Variants in GLRA2 observed in about 807,000 individuals in gnomAD.
GLRA2 encodes glycine receptor alpha 2.
In GLRA2, 11 loss-of-function variants were observed where a neutral mutation model predicts 31.6. The observed-to-expected ratio is 0.35, with a 90% CI of 0.22 to 0.58. GLRA2 has a LOEUF of 0.58. Ranked by LOEUF, GLRA2 falls within the 20% of genes least tolerant of loss-of-function variation. The probability of loss-of-function intolerance (pLI) is 0.84; values close to 1 mark genes in which losing one functional copy is unlikely to be tolerated. For synonymous variants in GLRA2, 132 were observed against 134.0 expected (o/e 0.99, Z 0.10); for missense variants, 212 against 351.8 (o/e 0.60, Z 3.18).
At chrX:14,625,213 T>C (rs911613742) in intron 7 of GLRA2, among the ~76,000 whole-genome samples, 3 of 111,395 alleles carry the variant, frequency 2.7e-5, no homozygotes, top group East Asian at 2.8e-4. Flanking sequence ...GATCTTCCTC[T>C]ATCCCTTTAT....
chrX:14,563,450 T>C (rs971070569), intron 2 of GLRA2, among the ~76,000 whole-genome samples: 2 of 112,469 alleles, frequency 1.8e-5, no homozygotes, highest in Non-Finnish European at 3.8e-5. Flanking sequence ...GCAAATGGCC[T>C]ACTATACCCT....
chrX:14,706,334 T>C (rs747667759), intron 8 of GLRA2, among the ~76,000 whole-genome samples: 30 of 112,075 alleles, frequency 2.7e-4, no homozygotes, highest in African/African-American at 9.4e-4. Flanking sequence ...CTAGAATATA[T>C]CGCAGAGAGT....
At chrX:14,558,408 T>C (rs1277350631) in intron 2 of GLRA2, among the ~76,000 whole-genome samples, 1 of 112,040 alleles carries the variant, frequency 8.9e-6, no homozygotes, top group African/African-American at 3.2e-5. Context: ...GTGGTAATAA[T>C]CAGAGTTAGT....
At chrX:14,636,652 A>AG (rs1267811802) in intron 7 of GLRA2, among the ~76,000 whole-genome samples, 1 of 111,687 alleles carries the variant, frequency 9.0e-6, no homozygotes, top group Non-Finnish European at 1.9e-5. Context: ...AACAACAGTA[A>AG]GAAAAAAAGT....
At chrX:14,627,802 C>G (rs1378850639) in intron 7 of GLRA2, among the ~76,000 whole-genome samples, 2 of 111,343 alleles carry the variant, frequency 1.8e-5, no homozygotes, top group African/African-American at 6.5e-5. Context: ...TGTTTCTTGC[C>G]CTATGTAACC....
chrX:14,632,610 A>G (rs1291548539), intron 7 of GLRA2, among the ~76,000 whole-genome samples: 2 of 111,510 alleles, frequency 1.8e-5, no homozygotes, highest in Non-Finnish European at 3.8e-5. Context: ...TCAAGGTAAT[A>G]TCGTTCAACA....
chrX:14,548,990 CT>C (rs1414589907), intron 2 of GLRA2, among the ~76,000 whole-genome samples: 1 of 111,862 alleles, frequency 8.9e-6, no homozygotes, highest in Non-Finnish European at 1.9e-5. Context: ...AACCAAAAAT[CT>C]TTACAAAAGA....
intron 7 of GLRA2, among the ~76,000 whole-genome samples, chrX:14,662,876 ATATTT>A (rs1361027503): frequency 9.0e-5 from 10 of 110,969 alleles, no homozygotes; most frequent in Admixed American, 2.8e-4. Flanking sequence ...TTATTCATAA[ATATTT>A]TATTATTTTT....
intron 2 of GLRA2, among the ~76,000 whole-genome samples, chrX:14,568,707 A>G (rs1307953877): frequency 1.1e-4 from 7 of 63,196 alleles, no homozygotes; most frequent in African/African-American, 3.3e-4. Context: ...AAAAAAAAAA[A>G]AAGAAAAGAA....
chrX:14,464,071 A>G, the GLRA2 span, among the ~76,000 whole-genome samples: 1 of 112,130 alleles, frequency 8.9e-6, no homozygotes, highest in Non-Finnish European at 1.9e-5. Context: ...AGTTCTTTGT[A>G]TATTATAGAT....
intron 7 of GLRA2, among the ~76,000 whole-genome samples, chrX:14,652,324 T>A (rs751075226): frequency 5.4e-5 from 6 of 111,601 alleles, no homozygotes; most frequent in African/African-American, 1.6e-4. Context: ...CAGAAAATCA[T>A]CCTGGTGTCC....
At position 14,730,394 on chromosome X, in the gene GLRA2, G is replaced by A. The variant is rs1023383061; in HGVS notation, c.1268G>A (p.Arg423Gln). The change falls in exon 9 of 9, where the codon CGA becomes CAA. Residue 423 changes from arginine to glutamine, a missense_variant. Transcript: ENST00000218075. ...GCAAAAAGGATTGACACGATATCTC[G>A]AGCTGCCTTCCCATTGGCCTTCCTC... ...DRAKRIDTISRAAFPLAFLIF... is the reference protein window; with the variant it reads ...DRAKRIDTISQAAFPLAFLIF... The A allele has an allele frequency of 4.1e-6, 5 of 1,204,900 alleles. No homozygotes were observed. The highest frequency in any genetic ancestry group is 4.5e-6 in the Non-Finnish European group (4 of 889,811).
At chrX:14,690,989 C>A in intron 8 of GLRA2, 130 bp downstream of exon 8, 1 of 657,278 alleles carries the variant, frequency 1.5e-6, no homozygotes, top group Non-Finnish European at 2.3e-6. Context: ...TGTCCTACTA[C>A]ACTGACTTAG....
At chrX:14,725,585 A>T (rs1452225753) in intron 8 of GLRA2, among the ~76,000 whole-genome samples, 1 of 111,916 alleles carries the variant, frequency 8.9e-6, no homozygotes, top group Non-Finnish European at 1.9e-5. Context: ...AGAATAAAAG[A>T]AAAATTACAA....
chrX:14,711,733 C>T (rs1193051748), intron 8 of GLRA2, among the ~76,000 whole-genome samples: 1 of 112,499 alleles, frequency 8.9e-6, no homozygotes, highest in East Asian at 2.8e-4. Flanking sequence ...GAGACTGAGG[C>T]ACGTAGTAAG....
the GLRA2 span, among the ~76,000 whole-genome samples, chrX:14,451,825 T>C: frequency 9.1e-6 from 1 of 110,320 alleles, no homozygotes; most frequent in African/African-American, 3.3e-5. Flanking sequence ...TTATATCAGA[T>C]AAATCAGATG....
chrX:14,503,677 T>C, the GLRA2 span, among the ~76,000 whole-genome samples: 11 of 111,193 alleles, frequency 9.9e-5, no homozygotes, highest in Non-Finnish European at 1.9e-4. Flanking sequence ...CAGATCTCTG[T>C]TGGGGACTCA....
the GLRA2 span, among the ~76,000 whole-genome samples, chrX:14,469,951 A>G: frequency 5.7e-3 from 638 of 111,877 alleles, 8 homozygotes; most frequent in African/African-American, 0.02. Context: ...TTCAAAGTCA[A>G]TGCACCTTAT....
intron 7 of GLRA2, among the ~76,000 whole-genome samples, chrX:14,654,034 A>C (rs978651214): frequency 2.7e-5 from 3 of 112,001 alleles, no homozygotes; most frequent in South Asian, 7.5e-4. Context: ...CTGAGGCAGA[A>C]GGATTGCTTG....
Sources: allele counts gnomAD v4.1 joint callset (sites outside exome capture counted in the v4.1 genomes callset), GRCh38; gene constraint gnomAD v4.1.1; transcripts MANE v1.5; gene names NCBI Gene and HGNC (gene_info 2026-07-23, HGNC 2026-07-21).